The following IQGAP2 variants were observed in gnomAD, a reference collection of about 807,000 sequenced individuals.
The protein encoded by IQGAP2 is IQ motif containing GTPase activating protein 2, also known as ras GTPase-activating-like protein IQGAP2.
IQGAP2 carries 173 observed loss-of-function variants against 201.3 expected under a neutral mutation model. The observed-to-expected ratio is 0.86, with a 90% CI of 0.76 to 0.98. The LOEUF (loss-of-function observed/expected upper bound fraction) is 0.98. Among genes scored for constraint, IQGAP2 ranks in the 50% least tolerant of loss-of-function variants. The pLI is 0.00. For missense variants in IQGAP2, 1,687 were observed against 1,864.8 expected (o/e 0.90, Z 1.76); for synonymous variants, 675 against 673.9 (o/e 1.00, Z -0.03).
intron 2 of IQGAP2, among the ~76,000 whole-genome samples, chr5:76,499,630 T>C (rs2150166801): frequency 6.6e-6 from 1 of 152,120 alleles, no homozygotes; most frequent in East Asian, 1.9e-4. Context: ...AAGGCTCCAG[T>C]TTCAAGGTAA....
intron 1 of IQGAP2, among the ~76,000 whole-genome samples, chr5:76,456,368 G>T (rs1013390613): frequency 6.6e-6 from 1 of 152,186 alleles, no homozygotes; most frequent in African/African-American, 2.4e-5. Flanking sequence ...GTTTAAGGAA[G>T]TTTGATTATG....
chr5:76,698,468 T>C (rs976272064), intron 33 of IQGAP2, among the ~76,000 whole-genome samples: 2 of 152,312 alleles, frequency 1.3e-5, no homozygotes, highest in Non-Finnish European at 2.9e-5. Flanking sequence ...AATACTATTA[T>C]TTTTAAAGTC....
chr5:76,541,444 G>T (rs910517616), intron 2 of IQGAP2, among the ~76,000 whole-genome samples: 3 of 152,176 alleles, frequency 2.0e-5, no homozygotes, highest in African/African-American at 7.2e-5. Flanking sequence ...TGCTGGGCAC[G>T]TGAGTTGTTT....
At chr5:76,630,465 G>A (rs1750604096) in intron 14 of IQGAP2, among the ~76,000 whole-genome samples, 1 of 152,060 alleles carries the variant, frequency 6.6e-6, no homozygotes, top group Non-Finnish European at 1.5e-5. Flanking sequence ...ATCGAAAATG[G>A]TTCTATTAAG....
At chr5:76,650,766 T>C (rs540547793) in intron 17 of IQGAP2, among the ~76,000 whole-genome samples, 1 of 152,312 alleles carries the variant, frequency 6.6e-6, no homozygotes, top group South Asian at 2.1e-4. Context: ...ATGCTATCCC[T>C]CCCCGCTCCC....
At chr5:76,625,164 C>T (rs1284919909) in intron 13 of IQGAP2, among the ~76,000 whole-genome samples, 2 of 152,182 alleles carry the variant, frequency 1.3e-5, no homozygotes, top group Admixed American at 6.5e-5. Context: ...ATAATTTAAA[C>T]CGTTGACTTA....
chr5:76,679,186 G>C (rs1043683352), intron 28 of IQGAP2, among the ~76,000 whole-genome samples: 10 of 152,216 alleles, frequency 6.6e-5, no homozygotes, highest in African/African-American at 2.2e-4. Flanking sequence ...GAAAAAAATG[G>C]TGGGGAGTAC....
intron 2 of IQGAP2, among the ~76,000 whole-genome samples, chr5:76,475,001 C>T (rs759791710): frequency 2.6e-5 from 4 of 152,172 alleles, no homozygotes; most frequent in Non-Finnish European, 4.4e-5. Flanking sequence ...CATAAGCCAC[C>T]GCGTCCGGCT....
chr5:76,602,920 C>T (rs1747529526), intron 11 of IQGAP2, among the ~76,000 whole-genome samples: 3 of 152,076 alleles, frequency 2.0e-5, no homozygotes, highest in Admixed American at 2.0e-4. Flanking sequence ...GCTGTGTTTG[C>T]CCAGAGAGAT....
intron 13 of IQGAP2, among the ~76,000 whole-genome samples, chr5:76,613,975 G>A (rs1748653989): frequency 1.3e-5 from 2 of 152,158 alleles, no homozygotes; most frequent in Admixed American, 1.3e-4. Context: ...TTACAGGCAT[G>A]AGCCACCGCA....
chr5:76,524,858 T>G (rs945146186), intron 2 of IQGAP2, among the ~76,000 whole-genome samples: 2 of 152,244 alleles, frequency 1.3e-5, no homozygotes, highest in Non-Finnish European at 2.9e-5. Context: ...TATTTTTCCT[T>G]CCTACGACTC....
Position 76,693,406 on chromosome 5 carries a change from G to T in IQGAP2, c.3957G>T (p.Leu1319Phe). The change falls in exon 31 of 36, where the codon TTG becomes TTT. Residue 1319 changes from leucine to phenylalanine, a missense_variant. Leu to Phe is a conservative substitution (Grantham distance 22). Transcript: ENST00000274364. Reference sequence around the variant, plus strand: ...TCCGGAACCAGCCAGGGAACACATTGACAGAAATCTTAGAGACACCAGCAA... The same window carrying T: ...TCCGGAACCAGCCAGGGAACACATTTACAGAAATCTTAGAGACACCAGCAA... ...DVIRNQPGNT[L>F]TEILETPATA... 6.2e-7 allele frequency: 1 copy of T among 1,613,832 alleles called. No individual in the cohort carries two copies.
In IQGAP2 at chr5:76,506,841, G is replaced by A. The variant is rs192056491; in HGVS notation, c.146+45172G>A. ...GTACAAGATCTATGTGAGGAAAACT[G>A]CAAAACTCTGAAAGAAATAAAAGAG... On this transcript the variant is annotated intron_variant, in intron 2 of 35. Coordinates refer to ENST00000274364, the MANE Select transcript of IQGAP2 (RefSeq NM_006633.5). Among the ~76,000 whole-genome samples, 3 of 152,216 alleles carry A rather than the reference G, an allele frequency of 2.0e-5. No homozygotes were observed. In the East Asian group the frequency reaches 5.8e-4, roughly 29 times the overall value.
chr5:76,472,341 G>T (rs1374025700), intron 2 of IQGAP2, among the ~76,000 whole-genome samples: 2 of 152,214 alleles, frequency 1.3e-5, no homozygotes, highest in Admixed American at 6.5e-5. Context: ...AGCCCTACCT[G>T]CCAACAAGTA....
intron 1 of IQGAP2, among the ~76,000 whole-genome samples, chr5:76,408,166 A>C (rs1750900448): frequency 6.6e-6 from 1 of 152,092 alleles, no homozygotes; most frequent in African/African-American, 2.4e-5. Context: ...GTCTCAAAAA[A>C]AACAAAACCT....
chr5:76,435,948 G>T (rs752260999), intron 1 of IQGAP2, among the ~76,000 whole-genome samples: 50 of 148,794 alleles, frequency 3.4e-4, no homozygotes, highest in Admixed American at 4.6e-4. Context: ...TTGTTTGTTT[G>T]TTTGTTTTTT....
At chr5:76,431,546 C>T (rs114683094) in intron 1 of IQGAP2, among the ~76,000 whole-genome samples, 3,463 of 151,996 alleles carry the variant, frequency 0.023, 55 homozygotes, top group Middle Eastern at 0.082. Context: ...CAGTCTTGGC[C>T]GGGCACGGTG....
chr5:76,478,573 G>A (rs947896594), intron 2 of IQGAP2, among the ~76,000 whole-genome samples: 3 of 152,180 alleles, frequency 2.0e-5, no homozygotes, highest in Admixed American at 6.5e-5. Flanking sequence ...ACAGGCGTGA[G>A]CCAGGCGTGG....
At chr5:76,664,237 T>C (rs1347175019) in intron 21 of IQGAP2, among the ~76,000 whole-genome samples, 2 of 152,232 alleles carry the variant, frequency 1.3e-5, no homozygotes, top group Non-Finnish European at 2.9e-5. Flanking sequence ...TTAATTAACC[T>C]AATTTCAATA....
Sources: allele counts gnomAD v4.1 joint callset (sites outside exome capture counted in the v4.1 genomes callset), GRCh38; gene constraint gnomAD v4.1.1; transcripts MANE v1.5; gene names NCBI Gene and HGNC (gene_info 2026-07-23, HGNC 2026-07-21).